Variants in CNBD1 observed in about 807,000 individuals in gnomAD.
The protein encoded by CNBD1 is cyclic nucleotide-binding domain-containing protein 1.
Under a neutral mutation model 54.4 loss-of-function variants are expected in CNBD1, and 71 were observed. That is an observed-to-expected ratio of 1.30 (90% CI 1.08 to 1.59). The LOEUF is 1.59. Among genes scored for constraint, CNBD1 ranks in the 40% most tolerant of loss-of-function variants. The pLI is 0.00. For synonymous variants in CNBD1, 182 were observed against 170.7 expected, an observed-to-expected ratio of 1.07 and a Z score of -0.51; for missense variants, 659 against 518.0, an observed-to-expected ratio of 1.27 and a Z score of -2.64.
intron 9 of CNBD1, among the ~76,000 whole-genome samples, chr8:87,353,359 G>A (rs919834514): frequency 2.6e-5 from 4 of 152,036 alleles, no homozygotes; most frequent in African/African-American, 9.7e-5. Context: ...CTTGAAATGT[G>A]GAATTAGTTC....
At chr8:87,236,219 C>T (rs1429027201) in intron 5 of CNBD1, among the ~76,000 whole-genome samples, 1 of 152,156 alleles carries the variant, frequency 6.6e-6, no homozygotes, top group East Asian at 1.9e-4. Flanking sequence ...CCATCCCACT[C>T]TTACCCCCTT....
At chr8:86,943,018 T>G (rs984788193) in intron 4 of CNBD1, among the ~76,000 whole-genome samples, 2 of 151,976 alleles carry the variant, frequency 1.3e-5, no homozygotes, top group Admixed American at 6.6e-5. Context: ...CTTCTATACT[T>G]TAAAACTTTT....
chr8:87,336,326 G>T (rs567252284), intron 8 of CNBD1, among the ~76,000 whole-genome samples: 1 of 152,024 alleles, frequency 6.6e-6, no homozygotes, highest in East Asian at 1.9e-4. Flanking sequence ...GTCCCTTTCA[G>T]GTACTCCAGT....
chr8:87,161,654 G>A (rs1042831923), intron 4 of CNBD1, among the ~76,000 whole-genome samples: 20 of 152,150 alleles, frequency 1.3e-4, no homozygotes, highest in East Asian at 3.9e-4. Flanking sequence ...ATGAGTTTTA[G>A]GTTGACTGAA....
At chr8:86,975,797 A>G (rs1808328216) in intron 4 of CNBD1, among the ~76,000 whole-genome samples, 1 of 151,760 alleles carries the variant, frequency 6.6e-6, no homozygotes, top group Non-Finnish European at 1.5e-5. Flanking sequence ...TTTTTGGAGA[A>G]CCCTCATCTG....
rs549919162 is a variant in CNBD1, at chr8:86,968,661, TAAAAG to T, written c.431+28908_431+28912del. Reference sequence around the variant, plus strand: ...AATATTTTTTAAAAGATTCAGTAGATAAAAGGACAGAATGGTTGCATCCTTTTGAG... The same window carrying T: ...AATATTTTTTAAAAGATTCAGTAGATGACAGAATGGTTGCATCCTTTTGAG... On this transcript the variant is annotated intron_variant, in intron 4 of 10. Coordinates refer to ENST00000518476, the MANE Select transcript of CNBD1 (RefSeq NM_173538.3). 3.2e-4 allele frequency among the ~76,000 whole-genome samples: 48 copies of T among 152,316 alleles called. 1 individual carries two copies. In the South Asian group the frequency reaches 5.4e-3, roughly 17 times the overall value.
intron 2 of CNBD1, among the ~76,000 whole-genome samples, chr8:87,425,275 C>A (rs1215243211): frequency 1.3e-5 from 2 of 152,048 alleles, no homozygotes; most frequent in East Asian, 3.9e-4. Flanking sequence ...AATGTCCTCC[C>A]GTAGCTCAGA....
chr8:87,034,019 A>ATAT (rs1809853940), intron 4 of CNBD1, among the ~76,000 whole-genome samples: 1 of 152,200 alleles, frequency 6.6e-6, no homozygotes. Context: ...TTTTAATATG[A>ATAT]TATAAAAAGG....
At chr8:86,979,854 GA>G (rs1808434572) in intron 4 of CNBD1, among the ~76,000 whole-genome samples, 1 of 152,178 alleles carries the variant, frequency 6.6e-6, no homozygotes, top group Admixed American at 6.5e-5. Flanking sequence ...ATGAAGAAAT[GA>G]TGATATAAGA....
At chr8:87,316,487 C>A (rs1274713674) in intron 8 of CNBD1, among the ~76,000 whole-genome samples, 1 of 151,912 alleles carries the variant, frequency 6.6e-6, no homozygotes, top group Non-Finnish European at 1.5e-5. Flanking sequence ...TGTTTCAGGA[C>A]TGATTTAACC....
At chr8:86,916,460 C>T (rs1301640730) in intron 3 of CNBD1, among the ~76,000 whole-genome samples, 1 of 152,134 alleles carries the variant, frequency 6.6e-6, no homozygotes, top group African/African-American at 2.4e-5. Flanking sequence ...GGTGAGCATG[C>T]ACAGTGTGTT....
intron 4 of CNBD1, among the ~76,000 whole-genome samples, chr8:86,944,445 A>G (rs777073938): frequency 6.6e-6 from 1 of 152,184 alleles, no homozygotes; most frequent in Non-Finnish European, 1.5e-5. Flanking sequence ...AAGGGGATAG[A>G]GAATGATGGA....
intron 2 of CNBD1, among the ~76,000 whole-genome samples, chr8:87,393,618 C>T (rs978600923): frequency 6.6e-6 from 1 of 151,608 alleles, no homozygotes; most frequent in Non-Finnish European, 1.5e-5. Context: ...TAAGTGACAA[C>T]CAAATGATAG....
intron 3 of CNBD1, among the ~76,000 whole-genome samples, chr8:86,915,998 A>T (rs1271368069): frequency 6.6e-6 from 1 of 152,172 alleles, no homozygotes; most frequent in East Asian, 1.9e-4. Flanking sequence ...TTAACTTTTG[A>T]TGTATCTTCC....
Position 86,905,083 on chromosome 8 carries a change from G to A in CNBD1, c.161G>A (p.Arg54Gln), listed in dbSNP as rs199692658. 51 of 1,589,286 alleles carry A rather than the reference G, an allele frequency of 3.2e-5. No individual in the cohort carries two copies. The highest frequency in any genetic ancestry group is 3.3e-4 in the Middle Eastern group (2 of 6,032). The change falls in exon 3 of 11, where the codon CGG (arginine) becomes CAG (glutamine). Residue 54 changes from arginine (R) to glutamine (Q), a missense_variant and splice_region_variant. By Grantham distance (43) the Arg-to-Gln change is conservative (BLOSUM62 1). Coordinates refer to ENST00000518476, the MANE Select transcript of CNBD1 (RefSeq NM_173538.3). ...ALCHIRGQHSRSMSNILSAHD... is the reference protein window; with the variant it reads ...ALCHIRGQHSQSMSNILSAHD... ...TTAATTTCTCTCTTCTTTTTAAGCC[G>A]GAGTATGAGCAATATCTTATCAGCT...
intron 4 of CNBD1, among the ~76,000 whole-genome samples, chr8:86,988,894 T>C (rs897634737): frequency 6.6e-6 from 1 of 152,188 alleles, no homozygotes; most frequent in African/African-American, 2.4e-5. Flanking sequence ...TGTGTCCAGG[T>C]ATCACATTTT....
chr8:87,374,149 A>C lies in CNBD1; in HGVS notation c.1304-8471A>C, dbSNP rs1044949686. 3.3e-5 allele frequency among the ~76,000 whole-genome samples: 5 copies of C among 151,792 alleles called. No individual in the cohort carries two copies. In the Admixed American group the frequency reaches 3.3e-4, roughly 10 times the overall value. On this transcript the variant is annotated intron_variant, in intron 10 of 10. Coordinates refer to ENST00000518476, the MANE Select transcript of CNBD1 (RefSeq NM_173538.3). ...AATGTAGGCAATAATGTGCCCCATCAACATGTATATGACAGCTCTTTCCAA... is the reference window on the plus strand; with the variant it reads ...AATGTAGGCAATAATGTGCCCCATCCACATGTATATGACAGCTCTTTCCAA...
rs577079528 is a variant in CNBD1 at position 87,372,173 on chromosome 8, A to C, written c.1304-10447A>C. ...TACAAAATCAATGTACAAAAATCACAAGCATTCTTATACACCAATAACAGA... is the reference window on the plus strand; with the variant it reads ...TACAAAATCAATGTACAAAAATCACCAGCATTCTTATACACCAATAACAGA... On this transcript the variant is annotated intron_variant, in intron 10 of 10. Transcript: ENST00000518476. 5.4e-3 allele frequency among the ~76,000 whole-genome samples: 822 copies of C among 152,066 alleles called. 6 individuals are homozygous for C. Among genetic ancestry groups the C allele is most frequent in the African/African-American group, 0.019 (778 of 41,472 alleles).
chr8:87,018,498 C>T (rs1442248473), intron 4 of CNBD1, among the ~76,000 whole-genome samples: 1 of 152,100 alleles, frequency 6.6e-6, no homozygotes, highest in African/African-American at 2.4e-5. Context: ...GCATAATAAT[C>T]CTCTAAAAAG....
Sources: allele counts gnomAD v4.1 joint callset (sites outside exome capture counted in the v4.1 genomes callset), GRCh38; gene constraint gnomAD v4.1.1; transcripts MANE v1.5; gene names NCBI Gene and HGNC (gene_info 2026-07-23, HGNC 2026-07-21).